Variants in CALD1 observed in about 807,000 individuals in gnomAD.
CALD1 encodes the protein caldesmon 1, also known as caldesmon.
Under a neutral mutation model 99.9 loss-of-function variants are expected in CALD1, and 33 were observed. The observed-to-expected ratio is 0.33, with a 90% confidence interval of 0.25 to 0.44. CALD1 has a LOEUF of 0.44. Among genes scored for constraint, CALD1 ranks in the 20% least tolerant of loss-of-function variants. The pLI is 1.00. For missense variants in CALD1, 861 were observed against 962.1 expected (o/e 0.89, Z 1.39); for synonymous variants, 310 against 325.0 (o/e 0.95, Z 0.50).
In CALD1 at chr7:134,780,541, G is replaced by A. The variant is rs946102035; in HGVS notation, c.-130+792G>A. 9.9e-5 allele frequency among the ~76,000 whole-genome samples: 15 copies of A among 152,244 alleles called. No homozygotes were observed. In the Middle Eastern group the frequency reaches 0.01, roughly 104 times the overall value. ...TGTCTAGAGAATCTAAAGAGATGTC[G>A]ATTGGCAATGTGTTTCAGAAAGGAA... On this transcript the variant is annotated intron_variant, in intron 1 of 14. Coordinates refer to ENST00000361675, the MANE Select transcript of CALD1 (RefSeq NM_033138.4).
At chr7:134,960,185 A>T (rs925140947) in intron 12 of CALD1, 74 bp downstream of exon 12, 1 of 1,504,198 alleles carries the variant, frequency 6.6e-7, no homozygotes. Flanking sequence ...TTTAGGAATC[A>T]CACTAGTAAA....
At position 134,783,032 on chromosome 7, in the gene CALD1, G is replaced by C. The variant is rs189236728; in HGVS notation, c.-130+3283G>C. On this transcript the variant is annotated intron_variant, in intron 1 of 14. Coordinates refer to ENST00000361675, the MANE Select transcript of CALD1 (RefSeq NM_033138.4). The surrounding 1 kb of genome is among the most constrained non-coding windows in gnomAD (Gnocchi z 4.3). ...AAAGATCCACTTGAGCATAAGACCA[G>C]TGAGAAAGTGCTGACAACAGAAAGC... 7.2e-5 allele frequency among the ~76,000 whole-genome samples: 11 copies of C among 152,358 alleles called. No homozygotes were observed. The East Asian group carries it at 2.1e-3, about 29-fold the overall frequency.
At chr7:134,770,986 T>C (rs1454061418) in intron 1 of CALD1, among the ~76,000 whole-genome samples, 3 of 152,212 alleles carry the variant, frequency 2.0e-5, no homozygotes, top group East Asian at 3.8e-4. Flanking sequence ...ACAAGCTGTA[T>C]TGTTTGAAAA....
intron 3 of CALD1, among the ~76,000 whole-genome samples, chr7:134,881,740 G>A (rs1019786016): frequency 1.3e-5 from 2 of 152,134 alleles, no homozygotes; most frequent in Non-Finnish European, 2.9e-5. Flanking sequence ...ATCAGATGCT[G>A]AGAAAACACA....
At position 134,867,678 on chromosome 7, in the gene CALD1, C is replaced by G. The variant is rs1365870899; in HGVS notation, c.-41-15C>G. On this transcript the variant is annotated splice_polypyrimidine_tract_variant and intron_variant, in intron 2 of 14. Transcript: ENST00000361675. ...TGAGTTATCAATGATATTGACTCTACCTCCTCTCTTTCAGGTCCAGACATC... is the reference window on the plus strand; with the variant it reads ...TGAGTTATCAATGATATTGACTCTAGCTCCTCTCTTTCAGGTCCAGACATC... 10 of 1,024,530 alleles carry G rather than the reference C, an allele frequency of 9.8e-6. No individual in the cohort carries two copies. Among genetic ancestry groups the G allele is most frequent in the Admixed American group, 2.0e-5 (1 of 50,512 alleles). The allele number at this position is 1,024,530 out of a possible 1,614,324, so 63.5% of individuals were successfully genotyped here. A position where few individuals can be genotyped will look rare whatever the true frequency, so the allele number is the denominator to read the frequency against.
chr7:134,962,712 A>T, intron 13 of CALD1: 6 of 405,270 alleles, frequency 1.5e-5, no homozygotes, highest in Non-Finnish European at 2.5e-5. Flanking sequence ...TGTCTGTTTG[A>T]GCTGGTTTGT....
intron 3 of CALD1, among the ~76,000 whole-genome samples, chr7:134,881,678 C>T (rs1438184536): frequency 6.6e-6 from 1 of 152,122 alleles, no homozygotes; most frequent in African/African-American, 2.4e-5. Flanking sequence ...CACTTCTAAC[C>T]CTGCTGCCTT....
chr7:134,824,460 TCTTCTC>T (rs1324213096), intron 1 of CALD1, among the ~76,000 whole-genome samples: 1 of 151,690 alleles, frequency 6.6e-6, no homozygotes, highest in African/African-American at 2.4e-5. Flanking sequence ...TTCTTCTCCT[TCTTCTC>T]CTTCTCCTTC....
At chr7:134,842,139 G>T (rs1052967309) in intron 1 of CALD1, among the ~76,000 whole-genome samples, 2 of 152,172 alleles carry the variant, frequency 1.3e-5, no homozygotes, top group African/African-American at 4.8e-5. Flanking sequence ...ACATCACCTT[G>T]TGCTGTGTCC....
chr7:134,762,575 T>C (rs1796788801), intron 1 of CALD1, among the ~76,000 whole-genome samples: 1 of 152,202 alleles, frequency 6.6e-6, no homozygotes. Flanking sequence ...GATGCTGACA[T>C]CTGCATGGCT....
chr7:134,790,808 C>T (rs1010249223), intron 1 of CALD1, among the ~76,000 whole-genome samples: 2 of 152,212 alleles, frequency 1.3e-5, no homozygotes, highest in African/African-American at 4.8e-5. Context: ...GAGATTTTCC[C>T]TGACATTAGG....
At chr7:134,721,329 C>CA in the CALD1 span, among the ~76,000 whole-genome samples, 31,844 of 123,542 alleles carry the variant, frequency 0.26, 6,515 homozygotes, top group African/African-American at 0.58. Context: ...AAGTCATCTG[C>CA]AAAAAAAAAA....
At chr7:134,956,997 T>TAAAA (rs149204696) in intron 9 of CALD1, among the ~76,000 whole-genome samples, 3 of 149,074 alleles carry the variant, frequency 2.0e-5, no homozygotes, top group African/African-American at 7.3e-5. Context: ...TTCCTAGCTT[T>TAAAA]AAAAAAAAAA....
At position 134,760,095 on chromosome 7, in the gene CALD1, C is replaced by T. The variant is rs141359690; in HGVS notation, c.-130+15732C>T. Among the ~76,000 whole-genome samples the T allele has an allele frequency of 2.9e-4, 44 of 152,240 alleles. No homozygotes were observed. The East Asian group carries it at 8.5e-3, about 29-fold the overall frequency. On this transcript the variant is annotated intron_variant, in intron 1 of 13. Transcript: ENST00000417172. ...GGATCGCCAGGTGCTCAGTGTGTTG[C>T]AGGAACAACCAGAGGCTACTCTGGC...
chr7:134,837,829 C>A (rs187679469), intron 1 of CALD1, among the ~76,000 whole-genome samples: 1 of 152,206 alleles, frequency 6.6e-6, no homozygotes, highest in African/African-American at 2.4e-5. Context: ...TAATTACTAT[C>A]CTCATTTTAA....
chr7:134,803,942 C>T (rs573574637), intron 1 of CALD1, among the ~76,000 whole-genome samples: 14 of 152,254 alleles, frequency 9.2e-5, no homozygotes, highest in South Asian at 2.1e-4. Context: ...GTGATCCACC[C>T]GCCTCGGCCT....
the CALD1 span, among the ~76,000 whole-genome samples, chr7:134,727,282 T>C: frequency 0.038 from 5,765 of 152,320 alleles, 370 homozygotes; most frequent in African/African-American, 0.13. Context: ...GCCATGTGCT[T>C]TGCAAGTCAA....
At chr7:134,853,220 T>C (rs1800152174) in intron 2 of CALD1, among the ~76,000 whole-genome samples, 1 of 152,206 alleles carries the variant, frequency 6.6e-6, no homozygotes, top group Non-Finnish European at 1.5e-5. Context: ...GTGAGACTAG[T>C]TCACCATCCC....
In CALD1 at chr7:134,830,848, T is replaced by C. The variant is rs570464125; in HGVS notation, c.-129-13036T>C. 5.9e-5 allele frequency among the ~76,000 whole-genome samples: 9 copies of C among 152,330 alleles called. No individual in the cohort carries two copies. The East Asian group carries it at 1.7e-3, about 29-fold the overall frequency. On this transcript the variant is annotated intron_variant, in intron 1 of 14. Transcript: ENST00000361675. Reference sequence around the variant, plus strand: ...ACCATTTTGTCTTCCTGTTATTTACTGTAACTCAACTACAAATATTCCAAC... The same window carrying C: ...ACCATTTTGTCTTCCTGTTATTTACCGTAACTCAACTACAAATATTCCAAC...
Sources: allele counts gnomAD v4.1 joint callset (sites outside exome capture counted in the v4.1 genomes callset), GRCh38; gene constraint gnomAD v4.1.1; non-coding constraint Gnocchi (gnomAD v3.1); transcripts MANE v1.5; gene names NCBI Gene and HGNC (gene_info 2026-07-23, HGNC 2026-07-21).